Variants in INPP4B observed in about 807,000 individuals in gnomAD.
INPP4B encodes the protein inositol polyphosphate 4-phosphatase type II.
A neutral mutation model predicts 122.5 loss-of-function variants in INPP4B; 55 were observed. The ratio of observed to expected loss-of-function variants is 0.45; its 90% CI spans 0.36 to 0.56. The LOEUF (loss-of-function observed/expected upper bound fraction) is 0.56. INPP4B is among the 20% of genes least tolerant of loss of function. The pLI, the probability that INPP4B is intolerant of heterozygous loss-of-function variation, is 0.00. For synonymous variants in INPP4B, 403 were observed against 388.7 expected (o/e 1.04, Z -0.43); for missense variants, 1,000 against 1,097.7 (o/e 0.91, Z 1.26).
At chr4:142,771,385 T>C (rs891518778) in intron 1 of INPP4B, among the ~76,000 whole-genome samples, 1 of 152,114 alleles carries the variant, frequency 6.6e-6, no homozygotes, top group Non-Finnish European at 1.5e-5. Context: ...CCTAGAGAAG[T>C]TTCTCTGGCA....
In INPP4B at chr4:142,155,749, AT is replaced by A. The variant is rs1034968404; in HGVS notation, c.1563+4608del. On this transcript the variant is annotated intron_variant, in intron 17 of 25. Coordinates refer to ENST00000262992, the MANE Select transcript of INPP4B (RefSeq NM_001101669.3). ...TATAGTACAAAATGAACTGTATAAA[AT>A]TTGTAAGGAATATATCAGAAGATGG... Among the ~76,000 whole-genome samples, 58 of 152,132 alleles carry A rather than the reference AT, an allele frequency of 3.8e-4. 1 individual carries two copies. In the Middle Eastern group the frequency reaches 0.01, roughly 27 times the overall value.
At chr4:142,241,728 G>T (rs1859502431) in intron 11 of INPP4B, among the ~76,000 whole-genome samples, 1 of 152,162 alleles carries the variant, frequency 6.6e-6, no homozygotes, top group Admixed American at 6.5e-5. Context: ...CCTTCTCTTT[G>T]CTGTTTCTGT....
At chr4:142,786,800 G>A (rs965995932) in intron 1 of INPP4B, among the ~76,000 whole-genome samples, 2 of 152,208 alleles carry the variant, frequency 1.3e-5, no homozygotes, top group African/African-American at 2.4e-5. Flanking sequence ...AGTCTAAATT[G>A]AGAGACATAC....
At chr4:142,618,216 G>A (rs1744121641) in intron 2 of INPP4B, among the ~76,000 whole-genome samples, 1 of 150,778 alleles carries the variant, frequency 6.6e-6, no homozygotes, top group South Asian at 2.1e-4. Context: ...ACTGTCTACT[G>A]AAATAGAAAA....
chr4:142,814,964 A>C (rs1266701967), intron 1 of INPP4B, among the ~76,000 whole-genome samples: 2 of 152,090 alleles, frequency 1.3e-5, no homozygotes, highest in Non-Finnish European at 2.9e-5. Context: ...GCTGCAGTGG[A>C]GACTCCTGAT....
intron 1 of INPP4B, among the ~76,000 whole-genome samples, chr4:142,783,965 T>G (rs72728647): frequency 0.01 from 1,582 of 152,216 alleles, 14 homozygotes; most frequent in Middle Eastern, 0.031. Context: ...GACTTTTCAA[T>G]CTAAAAAAAT....
At chr4:142,259,496 C>T (rs563784234) in intron 11 of INPP4B, among the ~76,000 whole-genome samples, 84 of 151,100 alleles carry the variant, frequency 5.6e-4, no homozygotes, top group African/African-American at 1.9e-3. Context: ...TTTCTAGGTA[C>T]AGGATTAAAA....
At chr4:142,238,049 G>A in intron 11 of INPP4B, 38 bp from the exon 12 acceptor site, 1 of 1,053,028 alleles carries the variant, frequency 9.5e-7, no homozygotes, top group Non-Finnish European at 1.4e-6. Flanking sequence ...TAAATTCTAA[G>A]CAAATGCATG....
At chr4:142,056,695 A>T (rs535598727) in intron 25 of INPP4B, among the ~76,000 whole-genome samples, 2 of 152,146 alleles carry the variant, frequency 1.3e-5, no homozygotes, top group South Asian at 4.1e-4. Flanking sequence ...TAAGCCTAAA[A>T]ACACACACAT....
rs549815060 is a variant in INPP4B at position 142,342,253 on chromosome 4, T to A, written c.373-27491A>T. ...TACAGTACACTACCATATTAAACAG[T>A]TAAATCTTGGAAGAGTAAATACAAA... is the stretch of plus-strand genomic sequence containing the variant. On this transcript the variant is annotated intron_variant, in intron 7 of 25. Transcript: ENST00000262992. Among the ~76,000 whole-genome samples the A allele has an allele frequency of 2.0e-4, 31 of 152,188 alleles. No individual in the cohort carries two copies. In the East Asian group the frequency reaches 5.8e-3, roughly 28 times the overall value.
At chr4:142,409,067 T>C (rs1425342292) in intron 5 of INPP4B, among the ~76,000 whole-genome samples, 1 of 152,206 alleles carries the variant, frequency 6.6e-6, no homozygotes, top group Non-Finnish European at 1.5e-5. Flanking sequence ...ACTAGTAACA[T>C]GAGGGTTCAC....
At chr4:142,253,466 C>G (rs1733596284) in intron 11 of INPP4B, among the ~76,000 whole-genome samples, 1 of 152,180 alleles carries the variant, frequency 6.6e-6, no homozygotes, top group Non-Finnish European at 1.5e-5. Context: ...CTAGGGAGTG[C>G]CAGAGAGTGG....
At chr4:142,488,749 T>C (rs1382330096) in intron 2 of INPP4B, among the ~76,000 whole-genome samples, 1 of 152,148 alleles carries the variant, frequency 6.6e-6, no homozygotes, top group Non-Finnish European at 1.5e-5. Flanking sequence ...AAACCCAGTA[T>C]TGGTATTGTG....
At chr4:142,552,161 T>C (rs1728127264) in intron 2 of INPP4B, among the ~76,000 whole-genome samples, 1 of 152,186 alleles carries the variant, frequency 6.6e-6, no homozygotes, top group Admixed American at 6.5e-5. Context: ...AATTGAATGC[T>C]TTTGGCAGAA....
chr4:142,161,257 G>T (rs1052492855), intron 16 of INPP4B, among the ~76,000 whole-genome samples: 1 of 151,932 alleles, frequency 6.6e-6, no homozygotes, highest in African/African-American at 2.4e-5. Context: ...TACCTAGTAC[G>T]TACTATAGCA....
chr4:142,830,292 G>A (rs952009717), intron 1 of INPP4B, among the ~76,000 whole-genome samples: 1 of 152,140 alleles, frequency 6.6e-6, no homozygotes, highest in African/African-American at 2.4e-5. Context: ...ATTTAATATT[G>A]CCAAGTGGTC....
At chr4:142,368,772 T>A (rs1373146043) in intron 7 of INPP4B, among the ~76,000 whole-genome samples, 2 of 150,926 alleles carry the variant, frequency 1.3e-5, no homozygotes. Context: ...CAGGTGAGTG[T>A]AAGAAGACAA....
At chr4:142,394,834 G>A (rs1474879793) in intron 7 of INPP4B, among the ~76,000 whole-genome samples, 1 of 151,972 alleles carries the variant, frequency 6.6e-6, no homozygotes, top group African/African-American at 2.4e-5. Context: ...GTTTATTTTT[G>A]TTTTTGTTGC....
intron 14 of INPP4B, among the ~76,000 whole-genome samples, chr4:142,207,551 A>T (rs891349524): frequency 2.0e-5 from 3 of 152,162 alleles, no homozygotes; most frequent in Non-Finnish European, 4.4e-5. Flanking sequence ...ACTTACCCTA[A>T]AGAATTTGAT....
Sources: gnomAD v4.1 joint callset for allele counts (sites outside exome capture counted in the v4.1 genomes callset) on GRCh38, gnomAD v4.1.1 for gene constraint, MANE v1.5 for transcripts, NCBI Gene and HGNC (gene_info 2026-07-23, HGNC 2026-07-21) for gene names.